Variants in SGK1 observed in about 807,000 individuals in gnomAD.
SGK1 encodes the protein serine/threonine-protein kinase Sgk1.
A neutral mutation model predicts 64.2 loss-of-function variants in SGK1; 26 were observed. The observed-to-expected ratio is 0.40, with a 90% CI of 0.30 to 0.56. The LOEUF is 0.56. SGK1 is among the 20% of genes least tolerant of loss of function. SGK1 has a pLI of 0.38. For missense variants in SGK1, 519 were observed against 645.6 expected (o/e 0.80, Z 2.12); for synonymous variants, 265 against 239.7 (o/e 1.11, Z -0.98).
At chr6:134,240,231 G>A (rs1306412994) in intron 2 of SGK1, among the ~76,000 whole-genome samples, 10 of 143,162 alleles carry the variant, frequency 7.0e-5, no homozygotes, top group African/African-American at 2.6e-4. Flanking sequence ...GGCAGAGATT[G>A]CAGTGAGCTG....
At chr6:134,305,085 GT>G (rs1444426744) in intron 1 of SGK1, among the ~76,000 whole-genome samples, 2 of 152,128 alleles carry the variant, frequency 1.3e-5, no homozygotes, top group Admixed American at 6.5e-5. Flanking sequence ...ACCAGGCACG[GT>G]TGCTCACACC....
chr6:134,252,581 C>T (rs1022097870), intron 2 of SGK1, among the ~76,000 whole-genome samples: 1 of 131,126 alleles, frequency 7.6e-6, no homozygotes, highest in African/African-American at 2.9e-5. Flanking sequence ...TGCGCCACTG[C>T]TCTCCAGCCT....
At chr6:134,286,885 T>C (rs1331362490) in intron 1 of SGK1, among the ~76,000 whole-genome samples, 1 of 152,222 alleles carries the variant, frequency 6.6e-6, no homozygotes, top group Non-Finnish European at 1.5e-5. Context: ...GGACTAGGGC[T>C]TTTTATTTTT....
chr6:134,262,469 C>A (rs1472421454), intron 1 of SGK1, among the ~76,000 whole-genome samples: 1 of 151,310 alleles, frequency 6.6e-6, no homozygotes, highest in Non-Finnish European at 1.5e-5. Flanking sequence ...AGGGGGGTTT[C>A]ACTCTGTTGC....
At chr6:134,245,119 TTTG>T (rs1469390043) in intron 2 of SGK1, among the ~76,000 whole-genome samples, 2 of 152,098 alleles carry the variant, frequency 1.3e-5, no homozygotes, top group Admixed American at 6.5e-5. Context: ...TAGTTTGTTT[TTTG>T]TTTAGAGATG....
At position 134,173,012 on chromosome 6, in the gene SGK1, C is replaced by T. The variant is rs768762949; in HGVS notation, c.834+11G>A. On this transcript the variant is annotated intron_variant, in intron 8 of 13. Transcript: ENST00000367858. ...AGACACTAAGAGTTGACTTCTATCC[C>T]CCCTGCTCACCTCTCCACCATTAAT... 6.2e-7 allele frequency: 1 copy of T among 1,607,814 alleles called. No homozygotes were observed. Among genetic ancestry groups the T allele is most frequent in the South Asian group, 1.1e-5 (1 of 90,766 alleles).
At chr6:134,317,345 T>C (rs766891515) in intron 1 of SGK1, 47 bp downstream of exon 1, 3 of 1,193,490 alleles carry the variant, frequency 2.5e-6, no homozygotes, top group Non-Finnish European at 3.8e-6. Flanking sequence ...CAAAAGCATT[T>C]AAGAGAAGCA....
At chr6:134,175,395 G>C in intron 3 of SGK1, 1 of 1,249,122 alleles carries the variant, frequency 8.0e-7, no homozygotes, top group Non-Finnish European at 1.0e-6. Flanking sequence ...CTGGGGCGCA[G>C]GCCTGCGCGC....
intron 1 of SGK1, among the ~76,000 whole-genome samples, chr6:134,276,266 A>G (rs531564790): frequency 5.3e-5 from 8 of 152,212 alleles, no homozygotes; most frequent in Non-Finnish European, 8.8e-5. Context: ...TGTCTTTAGG[A>G]ACTCAGAGCC....
At chr6:134,229,111 G>A (rs1409776562) in intron 2 of SGK1, among the ~76,000 whole-genome samples, 2 of 152,222 alleles carry the variant, frequency 1.3e-5, no homozygotes, top group Non-Finnish European at 2.9e-5. Flanking sequence ...GATTACAGGC[G>A]TGAGCCACCG....
At chr6:134,241,043 TTTTTC>T in intron 2 of SGK1, among the ~76,000 whole-genome samples, 6 of 27,398 alleles carry the variant, frequency 2.2e-4, no homozygotes, top group African/African-American at 3.4e-4. Flanking sequence ...TTCTTTTCTT[TTTTTC>T]TTTTTTTTTT....
At chr6:134,226,970 G>A (rs1297116511) in intron 2 of SGK1, among the ~76,000 whole-genome samples, 2 of 152,024 alleles carry the variant, frequency 1.3e-5, no homozygotes, top group African/African-American at 4.8e-5. Context: ...TTACAGGTGG[G>A]AGCCACCTCA....
intron 1 of SGK1, among the ~76,000 whole-genome samples, chr6:134,317,102 T>A (rs989709609): frequency 2.6e-5 from 4 of 152,178 alleles, no homozygotes; most frequent in Non-Finnish European, 5.9e-5. Context: ...GCGACTGCCT[T>A]GTAATCTTTG....
In SGK1 at chr6:134,265,564, CAT is replaced by C. The variant is rs1341040918; in HGVS notation, c.70-3418_70-3417del. 1.3e-4 allele frequency among the ~76,000 whole-genome samples: 19 copies of C among 144,862 alleles called. No individual in the cohort carries two copies. The East Asian group carries it at 3.6e-3, about 27-fold the overall frequency. ...TACACATATATATTTTATATATATA[CAT>C]ATATATTTATACATATACATATATA... On this transcript the variant is annotated intron_variant, in intron 1 of 13. Coordinates refer to ENST00000367858, the MANE Select transcript of SGK1 (RefSeq NM_001143676.3).
chr6:134,244,951 T>A (rs1582738905), intron 2 of SGK1, among the ~76,000 whole-genome samples: 1 of 152,162 alleles, frequency 6.6e-6, no homozygotes, highest in Non-Finnish European at 1.5e-5. Context: ...AATTTTTGTA[T>A]TTTTAGTAGA....
At chr6:134,190,301 T>C (rs1775489792) in intron 3 of SGK1, among the ~76,000 whole-genome samples, 1 of 151,608 alleles carries the variant, frequency 6.6e-6, no homozygotes, top group African/African-American at 2.4e-5. Context: ...TTTTTTTTTT[T>C]TTGAGATAGA....
intron 2 of SGK1, among the ~76,000 whole-genome samples, chr6:134,207,967 A>G (rs1775821191): frequency 6.6e-6 from 1 of 152,190 alleles, no homozygotes. Context: ...GTTGGAGTGC[A>G]GTGGTGCAAT....
At chr6:134,187,663 T>C (rs1417210571) in intron 3 of SGK1, among the ~76,000 whole-genome samples, 2 of 152,202 alleles carry the variant, frequency 1.3e-5, no homozygotes, top group East Asian at 3.8e-4. Flanking sequence ...CATGGGCCCA[T>C]TGCTGCCTCT....
At chr6:134,274,225 G>C (rs1172534973) in intron 1 of SGK1, among the ~76,000 whole-genome samples, 1 of 152,088 alleles carries the variant, frequency 6.6e-6, no homozygotes, top group African/African-American at 2.4e-5. Context: ...GGCTGATCTT[G>C]AACTCCCAAT....
Sources: gnomAD v4.1 joint callset for allele counts (sites outside exome capture counted in the v4.1 genomes callset) on GRCh38, gnomAD v4.1.1 for gene constraint, MANE v1.5 for transcripts, NCBI Gene and HGNC (gene_info 2026-07-23, HGNC 2026-07-21) for gene names.